Variants in PDC observed in about 807,000 individuals in gnomAD.
PDC encodes 33 kDa phototransducing protein.
PDC carries 19 observed loss-of-function variants against 22.2 expected under a neutral mutation model. That is an observed-to-expected ratio of 0.86 (90% confidence interval 0.60 to 1.26). PDC has a LOEUF of 1.26. Among genes scored for constraint, PDC ranks in the 50% most tolerant of loss-of-function variants. The pLI is 0.00. For missense variants in PDC, 274 were observed against 286.8 expected (o/e 0.96, Z 0.32); for synonymous variants, 97 against 96.2 (o/e 1.01, Z -0.05).
At chr1:186,458,064 C>G (rs1019265873) in intron 1 of PDC, among the ~76,000 whole-genome samples, 1 of 151,810 alleles carries the variant, frequency 6.6e-6, no homozygotes, top group African/African-American at 2.4e-5. Flanking sequence ...ATTAGTATGT[C>G]AGGAATGCAT....
chr1:186,453,529 G>A (rs1662394526), intron 1 of PDC, among the ~76,000 whole-genome samples: 1 of 152,186 alleles, frequency 6.6e-6, no homozygotes, highest in Non-Finnish European at 1.5e-5. Context: ...TAGTTTATTG[G>A]TAGATTTTCA....
rs1180281664 is a variant in PDC at position 186,444,262 on chromosome 1, C to T, written c.458G>A (p.Ser153Asn). Residue 153 changes from serine to asparagine, a missense_variant, in exon 4 of 4, where the codon AGT (serine) becomes AAT (asparagine). Ser to Asn is a conservative substitution (Grantham distance 46). Coordinates refer to ENST00000391997, the MANE Select transcript of PDC (RefSeq NM_002597.5). ...DGIKGCDALN[S>N]SLTCLAAEYP... ...TTCTGCTGCAAGGCATGTTAAACTA[C>T]TGTTTAGAGCATCACAACCCTTAAT... is the stretch of plus-strand genomic sequence containing the variant. 1 of 1,613,984 alleles carries T rather than the reference C, an allele frequency of 6.2e-7. No homozygotes were observed. Among genetic ancestry groups the T allele is most frequent in the Non-Finnish European group, 8.5e-7 (1 of 1,179,908 alleles).
At chr1:186,446,336 T>G (rs1476536096) in intron 3 of PDC, 90 bp downstream of exon 3, 1 of 994,804 alleles carries the variant, frequency 1.0e-6, no homozygotes, top group Non-Finnish European at 1.4e-6. Flanking sequence ...AATGAATATA[T>G]TTTGTAATAG....
chr1:186,445,575 T>G (rs1051718246), intron 3 of PDC, among the ~76,000 whole-genome samples: 1 of 152,176 alleles, frequency 6.6e-6, no homozygotes, highest in Non-Finnish European at 1.5e-5. Context: ...TCCCAGCACT[T>G]TGGCAGGCCA....
chr1:186,454,168 C>CTTTTTT (rs397860509), intron 1 of PDC, among the ~76,000 whole-genome samples: 71 of 94,206 alleles, frequency 7.5e-4, no homozygotes, highest in African/African-American at 1.4e-3. Context: ...TCTTTTCTTT[C>CTTTTTT]TTTTTTTTTT....
chr1:186,448,651 T>C, intron 2 of PDC: 2 of 929,200 alleles, frequency 2.2e-6, no homozygotes, highest in Non-Finnish European at 2.6e-6. Flanking sequence ...GTCTTTTTGT[T>C]GTTGTTTTTG....
intron 1 of PDC, among the ~76,000 whole-genome samples, chr1:186,459,710 T>C (rs1244515914): frequency 6.8e-6 from 1 of 146,202 alleles, no homozygotes; most frequent in Non-Finnish European, 1.5e-5. Flanking sequence ...TAATATGAGG[T>C]GATTCTAAGT....
At chr1:186,445,859 A>G (rs1353958510) in intron 3 of PDC, among the ~76,000 whole-genome samples, 3 of 152,104 alleles carry the variant, frequency 2.0e-5, no homozygotes, top group Admixed American at 6.6e-5. Flanking sequence ...AAAATTTCCA[A>G]TGTTTCATAT....
At chr1:186,454,702 C>A (rs1454235651) in intron 1 of PDC, among the ~76,000 whole-genome samples, 1 of 152,000 alleles carries the variant, frequency 6.6e-6, no homozygotes. Context: ...TTACATGTGG[C>A]CAAATTATGG....
intron 1 of PDC, 50 bp from the exon 2 acceptor site, chr1:186,449,533 C>T: frequency 1.1e-6 from 1 of 922,598 alleles, no homozygotes. Flanking sequence ...CCAGGATGTA[C>T]ATACATATAT....
At position 186,446,470 on chromosome 1, in the gene PDC, G is replaced by A; in HGVS notation, c.169C>T (p.Gln57Ter). 6.2e-7 allele frequency: 1 copy of A among 1,608,576 alleles called. No individual in the cohort carries two copies. The highest frequency in any genetic ancestry group is 1.3e-5 in the African/African-American group (1 of 74,896). ...TTTGAATCTTTGCCATTCCTACTCT[G>A]AGGAGAAGACATTTGCCTGAGAATC... ...KEILRQMSSPQSRNGKDSKER... is the reference protein window; with the variant it reads ...KEILRQMSSP Residue 57 changes from glutamine to a stop codon, truncating the protein, a stop_gained, in exon 3 of 4, where the codon CAG (glutamine) becomes TAG (stop). Transcript: ENST00000391997. LOFTEE classifies it high-confidence loss of function.
chr1:186,457,008 G>A (rs1176267225), intron 1 of PDC, among the ~76,000 whole-genome samples: 3 of 152,174 alleles, frequency 2.0e-5, no homozygotes, highest in African/African-American at 7.2e-5. Flanking sequence ...GCCCCACGGA[G>A]TGTCACACTG....
At chr1:186,454,164 C>CTTTTTT (rs1662406030) in intron 1 of PDC, among the ~76,000 whole-genome samples, 1 of 126,166 alleles carries the variant, frequency 7.9e-6, no homozygotes, top group Non-Finnish European at 1.7e-5. Flanking sequence ...TCTTTCTTTT[C>CTTTTTT]TTTCTTTTTT....
At chr1:186,461,010 G>A (rs969082579) in intron 1 of PDC, 49 bp downstream of exon 1, 2 of 154,728 alleles carry the variant, frequency 1.3e-5, no homozygotes, top group Middle Eastern at 5.2e-4. Flanking sequence ...TTTCCCCTAA[G>A]GTAAAATTTT....
chr1:186,456,469 G>A (rs1382089541), intron 1 of PDC, among the ~76,000 whole-genome samples: 1 of 151,958 alleles, frequency 6.6e-6, no homozygotes, highest in Non-Finnish European at 1.5e-5. Flanking sequence ...TCTCATACTG[G>A]TCTCCCCAAG....
intron 1 of PDC, among the ~76,000 whole-genome samples, chr1:186,455,829 G>A (rs1408660330): frequency 1.8e-5 from 2 of 112,358 alleles, no homozygotes; most frequent in Non-Finnish European, 3.6e-5. Flanking sequence ...AAAATTAGCC[G>A]GGCGTGGTGG....
intron 1 of PDC, among the ~76,000 whole-genome samples, chr1:186,454,574 C>T (rs1662419722): frequency 6.6e-6 from 1 of 152,178 alleles, no homozygotes; most frequent in Non-Finnish European, 1.5e-5. Flanking sequence ...TATGAATTCA[C>T]TGAGAACTTA....
chr1:186,460,713 T>G (rs536938127), intron 1 of PDC, among the ~76,000 whole-genome samples: 1 of 152,266 alleles, frequency 6.6e-6, no homozygotes, highest in East Asian at 1.9e-4. Flanking sequence ...AAACATAAAG[T>G]GCAAGGACTC....
At chr1:186,459,752 G>GTGTATATATATATATA (rs1299957095) in intron 1 of PDC, among the ~76,000 whole-genome samples, 62 of 112,082 alleles carry the variant, frequency 5.5e-4, no homozygotes, top group African/African-American at 1.1e-3. Flanking sequence ...GTGTGTGTGT[G>GTGTATATATATATATA]TATATATATA....
Sources: allele counts gnomAD v4.1 joint callset (sites outside exome capture counted in the v4.1 genomes callset), GRCh38; gene constraint gnomAD v4.1.1; transcripts MANE v1.5; gene names NCBI Gene and HGNC (gene_info 2026-07-23, HGNC 2026-07-21).